The following UST variants were observed in gnomAD, a reference collection of about 807,000 sequenced individuals.
UST encodes chondroitin sulfate 2-O-sulfotransferase.
Under a neutral mutation model 45.6 loss-of-function variants are expected in UST, and 21 were observed. The observed-to-expected ratio is 0.46, with a 90% CI of 0.33 to 0.66. UST has a LOEUF of 0.66. UST is among the 30% of genes least tolerant of loss of function. UST has a pLI of 0.02. For missense variants in UST, 463 were observed against 512.4 expected, an observed-to-expected ratio of 0.90 and a Z score of 0.93; for synonymous variants, 215 against 200.6, an observed-to-expected ratio of 1.07 and a Z score of -0.61.
At chr6:148,794,997 A>G (rs1234653253) in intron 1 of UST, among the ~76,000 whole-genome samples, 1 of 152,184 alleles carries the variant, frequency 6.6e-6, no homozygotes, top group Non-Finnish European at 1.5e-5. Flanking sequence ...GTCATACTAA[A>G]GACTGACTCA....
intron 2 of UST, among the ~76,000 whole-genome samples, chr6:148,892,714 G>A (rs1237329540): frequency 6.6e-6 from 1 of 152,134 alleles, no homozygotes; most frequent in Non-Finnish European, 1.5e-5. Flanking sequence ...CTACTGAATG[G>A]CAGTGTTCTA....
intron 5 of UST, among the ~76,000 whole-genome samples, chr6:148,975,072 A>T (rs1231846409): frequency 6.6e-6 from 1 of 152,232 alleles, no homozygotes; most frequent in Non-Finnish European, 1.5e-5. Flanking sequence ...AATCGATGGC[A>T]TTCTATGTCT....
At chr6:148,992,711 ATCT>A (rs994815862) in intron 5 of UST, among the ~76,000 whole-genome samples, 5 of 152,160 alleles carry the variant, frequency 3.3e-5, no homozygotes, top group African/African-American at 1.2e-4. Flanking sequence ...GTAGAAAATA[ATCT>A]TCTGTTGACT....
At chr6:149,061,912 A>G (rs1562343457) in intron 7 of UST, among the ~76,000 whole-genome samples, 1 of 152,240 alleles carries the variant, frequency 6.6e-6, no homozygotes, top group Non-Finnish European at 1.5e-5. Context: ...AAACATCACT[A>G]AAAAGTACCA....
At chr6:148,965,802 G>T (rs2097460335) in intron 5 of UST, among the ~76,000 whole-genome samples, 1 of 151,222 alleles carries the variant, frequency 6.6e-6, no homozygotes, top group South Asian at 2.1e-4. Flanking sequence ...TAAGGCTTCA[G>T]TGAAATATTT....
chr6:149,028,699 A>G (rs1432003103), intron 7 of UST, among the ~76,000 whole-genome samples: 3 of 152,208 alleles, frequency 2.0e-5, no homozygotes, highest in Non-Finnish European at 4.4e-5. Flanking sequence ...GTGACATGCT[A>G]AGGGGCTGGA....
chr6:148,970,189 G>C (rs78628320), intron 5 of UST, among the ~76,000 whole-genome samples: 3,307 of 152,266 alleles, frequency 0.022, 121 homozygotes, highest in African/African-American at 0.076. Context: ...GGGAGTTTCA[G>C]GCAAACAGAA....
intron 1 of UST, among the ~76,000 whole-genome samples, chr6:148,773,038 T>G (rs1776462219): frequency 6.6e-6 from 1 of 152,206 alleles, no homozygotes; most frequent in South Asian, 2.1e-4. Flanking sequence ...CTCACAAAAT[T>G]GTTTAAGGAA....
chr6:148,835,156 A>G (rs1777762934), intron 1 of UST, among the ~76,000 whole-genome samples: 1 of 152,128 alleles, frequency 6.6e-6, no homozygotes, highest in Non-Finnish European at 1.5e-5. Flanking sequence ...ATAATAATAT[A>G]ACAATAAAAA....
At chr6:148,965,524 A>C (rs1047420309) in intron 5 of UST, among the ~76,000 whole-genome samples, 2 of 152,214 alleles carry the variant, frequency 1.3e-5, no homozygotes, top group African/African-American at 4.8e-5. Flanking sequence ...CGTCAGCAGC[A>C]GCCTTGCCGC....
At chr6:148,858,190 C>T (rs900562411) in intron 1 of UST, among the ~76,000 whole-genome samples, 17 of 152,104 alleles carry the variant, frequency 1.1e-4, no homozygotes, top group African/African-American at 4.1e-4. Flanking sequence ...AGGCCATCTG[C>T]AAGCTGAGGA....
At position 148,747,591 on chromosome 6, in the gene UST, C is replaced by G. The variant is rs138003460; in HGVS notation, c.161C>G (p.Thr54Ser). The change falls in exon 1 of 8, where the codon ACC (threonine) becomes AGC (serine). Residue 54 changes from threonine to serine, a missense_variant. By Grantham distance (58) the Thr-to-Ser change is moderately conservative. Around this residue, in one of 2 missense-constraint regions of UST, gnomAD observed 176 missense variants for 138.3 expected, o/e 1.27. Coordinates refer to ENST00000367463, the MANE Select transcript of UST (RefSeq NM_005715.3). ...CGGGACTACGGCTTCTGCATGGCCA[C>G]CCTGCTGGTCTTCTGCCTGGGCTCC... ...SLRDYGFCMATLLVFCLGSLL... is the reference protein window; with the variant it reads ...SLRDYGFCMASLLVFCLGSLL... 33 of 1,595,842 alleles carry G rather than the reference C, an allele frequency of 2.1e-5. No homozygotes were observed. The highest frequency in any genetic ancestry group is 2.5e-5 in the Non-Finnish European group (29 of 1,172,690).
In UST at chr6:149,040,304, GTA is replaced by G. The variant is rs1458524300; in HGVS notation, c.937+18825_937+18826del. ...TAGTATTTTGATCTGATTTTTACCT[GTA>G]TTATTTGTATTTTTTCCTGCAAAAT... On this transcript the variant is annotated intron_variant, in intron 7 of 7. Coordinates refer to ENST00000367463, the MANE Select transcript of UST (RefSeq NM_005715.3). 4.6e-5 allele frequency among the ~76,000 whole-genome samples: 7 copies of G among 152,024 alleles called. No individual in the cohort carries two copies. In the East Asian group the frequency reaches 1.3e-3, roughly 29 times the overall value.
chr6:148,872,600 T>C (rs1778579635), intron 1 of UST, among the ~76,000 whole-genome samples: 1 of 151,020 alleles, frequency 6.6e-6, no homozygotes, highest in Admixed American at 6.6e-5. Context: ...TGTAACAAAT[T>C]ACTATAAATG....
intron 7 of UST, among the ~76,000 whole-genome samples, chr6:149,067,389 A>G (rs936057961): frequency 3.3e-5 from 5 of 152,334 alleles, no homozygotes; most frequent in African/African-American, 1.2e-4. Flanking sequence ...AATTTGAAAT[A>G]TCGCCATACC....
chr6:148,913,084 T>G (rs1462084942), intron 2 of UST, among the ~76,000 whole-genome samples: 2 of 148,778 alleles, frequency 1.3e-5, no homozygotes, highest in African/African-American at 4.9e-5. Flanking sequence ...AATAACTTTG[T>G]GCAGAAATTT....
chr6:148,840,581 A>T lies in UST; in HGVS notation c.248-46405A>T, dbSNP rs574764709. On this transcript the variant is annotated intron_variant, in intron 1 of 7. Transcript: ENST00000367463. ...GAATCCAAGCAAACTTAAGTCCCAC[A>T]GTGGACTCTGAGGGACCTGTGGATA... is the stretch of plus-strand genomic sequence containing the variant. Among the ~76,000 whole-genome samples the T allele has an allele frequency of 6.6e-5, 10 of 152,292 alleles. No homozygotes were observed. In the East Asian group the frequency reaches 1.9e-3, roughly 29 times the overall value.
At chr6:148,829,293 G>A (rs1777638100) in intron 1 of UST, among the ~76,000 whole-genome samples, 1 of 152,170 alleles carries the variant, frequency 6.6e-6, no homozygotes, top group East Asian at 1.9e-4. Context: ...TGGGTCCGCT[G>A]TAACCATGCA....
Position 148,770,265 on chromosome 6 carries a change from A to G in UST, c.247+22588A>G, listed in dbSNP as rs768766074. The stretch of plus-strand genomic sequence containing the variant: ...AGAGAGAAGGAGAGGGATTCAGGGA[A>G]AAGGTGACACTTGAGCTGGGCATTG... On this transcript the variant is annotated intron_variant, in intron 1 of 7. Coordinates refer to ENST00000367463, the MANE Select transcript of UST (RefSeq NM_005715.3). 2.6e-5 allele frequency among the ~76,000 whole-genome samples: 4 copies of G among 151,498 alleles called. No homozygotes were observed. In the South Asian group the frequency reaches 6.3e-4, roughly 24 times the overall value.
Sources: allele counts gnomAD v4.1 joint callset (sites outside exome capture counted in the v4.1 genomes callset), GRCh38; gene constraint gnomAD v4.1.1; regional missense constraint gnomAD v4.1.1; transcripts MANE v1.5; gene names NCBI Gene and HGNC (gene_info 2026-07-23, HGNC 2026-07-21).